The following NUBPL variants were observed in gnomAD, a reference collection of about 807,000 sequenced individuals.
NUBPL encodes the protein iron-sulfur cluster transfer protein NUBPL.
NUBPL carries 31 observed loss-of-function variants against 45.7 expected under a neutral mutation model. The ratio of observed to expected loss-of-function variants is 0.68; its 90% confidence interval spans 0.51 to 0.92. The LOEUF is 0.92. Among genes scored for constraint, NUBPL ranks in the 40% least tolerant of loss-of-function variants. The pLI, the probability that NUBPL is intolerant of heterozygous loss-of-function variation, is 0.00. For synonymous variants in NUBPL, 144 were observed against 140.9 expected (o/e 1.02, Z -0.15); for missense variants, 401 against 398.7 (o/e 1.01, Z -0.05).
intron 7 of NUBPL, among the ~76,000 whole-genome samples, chr14:31,820,126 C>T (rs969617714): frequency 3.8e-5 from 5 of 131,420 alleles, no homozygotes; most frequent in African/African-American, 1.7e-4. Context: ...GGCAACAGAG[C>T]GAGACTCCAT....
chr14:31,780,206 G>A (rs542688340), intron 6 of NUBPL, among the ~76,000 whole-genome samples: 28 of 151,592 alleles, frequency 1.8e-4, no homozygotes, highest in African/African-American at 6.0e-4. Flanking sequence ...GGGATTACAG[G>A]CATGTGCCAC....
At chr14:31,635,828 A>G (rs1481952516) in intron 4 of NUBPL, among the ~76,000 whole-genome samples, 2 of 152,042 alleles carry the variant, frequency 1.3e-5, no homozygotes, top group East Asian at 3.8e-4. Flanking sequence ...TTGGATTCCT[A>G]GGTATTTTAT....
chr14:31,850,199 G>C lies in NUBPL; in HGVS notation c.895G>C (p.Glu299Gln), dbSNP rs778765620. ...PIVFSQPESD[E>Q]AKAYLRIAVE... ...TGTGTTTTCACAGCCTGAAAGTGAT[G>C]AGGTAAGTTCCATTTTTGGATACAT... Residue 299 changes from glutamate to glutamine, a missense_variant and splice_region_variant, in exon 10 of 11, where the codon GAG becomes CAG. Coordinates refer to ENST00000281081, the MANE Select transcript of NUBPL (RefSeq NM_025152.3). The C allele has an allele frequency of 2.5e-6, 4 of 1,611,704 alleles. No individual in the cohort carries two copies. The Admixed American group carries it at 6.7e-5, about 27-fold the overall frequency.
At chr14:31,654,495 G>A (rs1238618044) in intron 4 of NUBPL, among the ~76,000 whole-genome samples, 3 of 150,096 alleles carry the variant, frequency 2.0e-5, no homozygotes, top group African/African-American at 4.9e-5. Flanking sequence ...TGCAAGCTCC[G>A]CCTCCTGGGT....
At chr14:31,693,285 G>T (rs1166509109) in intron 6 of NUBPL, among the ~76,000 whole-genome samples, 1 of 152,068 alleles carries the variant, frequency 6.6e-6, no homozygotes, top group Non-Finnish European at 1.5e-5. Context: ...AATAGATCTG[G>T]ATATATTCAG....
chr14:31,833,652 A>G (rs1211044189), intron 8 of NUBPL, among the ~76,000 whole-genome samples: 1 of 152,202 alleles, frequency 6.6e-6, no homozygotes, highest in African/African-American at 2.4e-5. Flanking sequence ...AGGTGAGCAG[A>G]GTAGCCTTCT....
chr14:31,643,848 G>C (rs533806557), intron 4 of NUBPL, among the ~76,000 whole-genome samples: 4 of 151,908 alleles, frequency 2.6e-5, no homozygotes, highest in African/African-American at 7.2e-5. Context: ...GAAGTTTTCT[G>C]TTTCTCCCTG....
intron 6 of NUBPL, among the ~76,000 whole-genome samples, chr14:31,751,344 A>G (rs1448502665): frequency 6.6e-6 from 1 of 152,240 alleles, no homozygotes; most frequent in South Asian, 2.1e-4. Flanking sequence ...ATGAGCTTGT[A>G]AAATAAAAAA....
At chr14:31,805,063 A>G (rs900112474) in intron 7 of NUBPL, among the ~76,000 whole-genome samples, 1 of 142,084 alleles carries the variant, frequency 7.0e-6, no homozygotes, top group African/African-American at 2.4e-5. Context: ...TCCAGCATCT[A>G]TTTACAAGAC....
At chr14:31,580,970 A>G (rs1247361763) in intron 3 of NUBPL, among the ~76,000 whole-genome samples, 1 of 152,178 alleles carries the variant, frequency 6.6e-6, no homozygotes, top group Admixed American at 6.5e-5. Context: ...GTGACAGTCT[A>G]ATTTACTCCT....
intron 6 of NUBPL, among the ~76,000 whole-genome samples, chr14:31,710,804 A>G (rs2037554479): frequency 6.6e-6 from 1 of 152,194 alleles, no homozygotes; most frequent in Non-Finnish European, 1.5e-5. Flanking sequence ...CTTCAGGAAT[A>G]GCTTTTGTTA....
intron 3 of NUBPL, among the ~76,000 whole-genome samples, chr14:31,576,330 T>C (rs7152029): frequency 0.012 from 1,829 of 152,262 alleles, 29 homozygotes; most frequent in African/African-American, 0.034. Flanking sequence ...AGCATGATTA[T>C]AGCTTACTGC....
At chr14:31,770,883 A>G (rs1202832630) in intron 6 of NUBPL, among the ~76,000 whole-genome samples, 2 of 152,208 alleles carry the variant, frequency 1.3e-5, no homozygotes, top group Non-Finnish European at 2.9e-5. Context: ...TTAAAATAAA[A>G]CTGCATATAG....
intron 6 of NUBPL, among the ~76,000 whole-genome samples, chr14:31,745,114 C>T (rs2038368687): frequency 6.6e-6 from 1 of 151,658 alleles, no homozygotes; most frequent in Non-Finnish European, 1.5e-5. Flanking sequence ...AGGTTTGTTA[C>T]ATATGTATAC....
At chr14:31,729,606 AT>A (rs2038006361) in intron 6 of NUBPL, among the ~76,000 whole-genome samples, 1 of 151,956 alleles carries the variant, frequency 6.6e-6, no homozygotes, top group Non-Finnish European at 1.5e-5. Flanking sequence ...TTTTGCCTTT[AT>A]ATGTATTTTG....
At chr14:31,732,126 A>C (rs1178767496) in intron 6 of NUBPL, among the ~76,000 whole-genome samples, 1 of 146,452 alleles carries the variant, frequency 6.8e-6, no homozygotes, top group Non-Finnish European at 1.5e-5. Flanking sequence ...CCCAGGAGGC[A>C]GAGCTTGCAG....
chr14:31,759,749 G>T (rs2038757072), intron 6 of NUBPL, among the ~76,000 whole-genome samples: 1 of 150,054 alleles, frequency 6.7e-6, no homozygotes, highest in African/African-American at 2.5e-5. Flanking sequence ...CTTGTATCTT[G>T]TATGCTGGCA....
chr14:31,695,666 G>T (rs983151292), intron 6 of NUBPL, among the ~76,000 whole-genome samples: 1 of 152,096 alleles, frequency 6.6e-6, no homozygotes, highest in Admixed American at 6.5e-5. Context: ...TTGCTTACTC[G>T]TCCTTTCTTA....
At chr14:31,707,433 T>C (rs538483270) in intron 6 of NUBPL, among the ~76,000 whole-genome samples, 1 of 152,316 alleles carries the variant, frequency 6.6e-6, no homozygotes, top group Admixed American at 6.5e-5. Flanking sequence ...GTCTCTCTCT[T>C]TCTCTCTTTC....
Sources: allele counts gnomAD v4.1 joint callset (sites outside exome capture counted in the v4.1 genomes callset), GRCh38; gene constraint gnomAD v4.1.1; transcripts MANE v1.5; gene names NCBI Gene and HGNC (gene_info 2026-07-23, HGNC 2026-07-21).